Variants in PALS2 observed in about 807,000 individuals in gnomAD.
PALS2 encodes protein PALS2.
A neutral mutation model predicts 61.6 loss-of-function variants in PALS2; 27 were observed. The ratio of observed to expected loss-of-function variants is 0.44; its 90% confidence interval spans 0.32 to 0.60. The LOEUF is 0.60. PALS2 is among the 20% of genes least tolerant of loss of function. PALS2 has a pLI of 0.05. For synonymous variants in PALS2, 236 were observed against 218.6 expected (o/e 1.08, Z -0.70); for missense variants, 554 against 639.4 (o/e 0.87, Z 1.44).
chr7:24,632,710 G>A (rs1472343623), intron 2 of PALS2, among the ~76,000 whole-genome samples: 4 of 151,124 alleles, frequency 2.6e-5, no homozygotes, highest in Non-Finnish European at 5.9e-5. Flanking sequence ...AAGTGCTTTA[G>A]ATCACTGATG....
At chr7:24,686,944 G>A (rs576587901) in intron 11 of PALS2, among the ~76,000 whole-genome samples, 2 of 152,202 alleles carry the variant, frequency 1.3e-5, no homozygotes, top group South Asian at 4.2e-4. Flanking sequence ...GTGGAGGATG[G>A]GCAGCATGTA....
intron 5 of PALS2, among the ~76,000 whole-genome samples, chr7:24,659,314 G>A (rs1786595397): frequency 2.0e-5 from 3 of 152,188 alleles, no homozygotes; most frequent in Admixed American, 1.3e-4. Flanking sequence ...GAACATATGT[G>A]TACATGTGTC....
At position 24,687,695 on chromosome 7, in the gene PALS2, C is replaced by T; in HGVS notation, c.*81C>T. On this transcript the variant is annotated 3_prime_UTR_variant, in exon 12 of 12. Coordinates refer to ENST00000222644, the MANE Select transcript of PALS2 (RefSeq NM_001303037.2). This position sits in a 1 kb window ranked among gnomAD's most constrained non-coding sequence, Gnocchi z 4.5. ...TAAACCTTCTACTGAGAAAATACATCACAGATAGAAGATTATCTGCTAAGT... is the reference window on the plus strand; with the variant it reads ...TAAACCTTCTACTGAGAAAATACATTACAGATAGAAGATTATCTGCTAAGT... 1.5e-6 allele frequency: 2 copies of T among 1,346,810 alleles called. No homozygotes were observed. The highest frequency in any genetic ancestry group is 2.6e-5 in the Admixed American group (1 of 38,460). The allele number at this position is 1,346,810 out of a possible 1,614,324, so 83.4% of individuals were successfully genotyped here.
At chr7:24,638,608 G>C (rs1398041824) in intron 2 of PALS2, among the ~76,000 whole-genome samples, 1 of 44,838 alleles carries the variant, frequency 2.2e-5, no homozygotes, top group Non-Finnish European at 3.4e-5. Context: ...TGGGATTACA[G>C]GCGTGAGCCA....
chr7:24,593,135 T>C (rs1783363411), intron 1 of PALS2, among the ~76,000 whole-genome samples: 1 of 152,154 alleles, frequency 6.6e-6, no homozygotes, highest in Admixed American at 6.6e-5. Context: ...TCAGCAATAT[T>C]TACAGCATCT....
intron 5 of PALS2, among the ~76,000 whole-genome samples, chr7:24,653,554 T>G (rs1316219100): frequency 1.3e-5 from 2 of 152,092 alleles, no homozygotes; most frequent in Admixed American, 1.3e-4. Context: ...TCCACTTTCG[T>G]TTTCATTATA....
intron 2 of PALS2, among the ~76,000 whole-genome samples, chr7:24,641,007 CAAA>C (rs35912373): frequency 4.5e-5 from 3 of 67,106 alleles, no homozygotes; most frequent in African/African-American, 5.7e-5. Context: ...GACTCCATCT[CAAA>C]AAAAAAAAAA....
At position 24,649,710 on chromosome 7, in the gene PALS2, A is replaced by G; in HGVS notation, c.369A>G (p.Leu123=). ...ATTCTTCTATCAATAATCAGTTATT[A>G]CCAGTAGATGCCATTCGTATTCTTG... ...MNNSSINNQL[L]PVDAIRILGI... is the part of the protein sequence containing the mutation. Residue 123 remains leucine (L), a synonymous_variant, in exon 4 of 12, where the codon TTA becomes TTG. Transcript: ENST00000222644. 6.2e-7 allele frequency: 1 copy of G among 1,611,668 alleles called. No homozygotes were observed. Among genetic ancestry groups the G allele is most frequent in the Non-Finnish European group, 8.5e-7 (1 of 1,178,966 alleles).
At chr7:24,649,496 C>T (rs1786028096) in intron 3 of PALS2, 116 bp from the exon 4 acceptor site, 8 of 783,872 alleles carry the variant, frequency 1.0e-5, no homozygotes, top group South Asian at 4.1e-5. Context: ...AATTTAATAC[C>T]ATGTGCCTTG....
intron 1 of PALS2, among the ~76,000 whole-genome samples, chr7:24,602,858 C>T (rs529257794): frequency 6.6e-6 from 1 of 152,070 alleles, no homozygotes; most frequent in South Asian, 2.1e-4. Context: ...GTTTCCTGTT[C>T]TCTTGATAGT....
rs184686361 is a variant in PALS2, at chr7:24,636,879, G to T, written c.118-4837G>T. ...TTGTCATTTGTATTTTGACTTTGTC[G>T]ATTTTTGATGAGAAATTTAAAACGT... On this transcript the variant is annotated intron_variant, in intron 2 of 11. Transcript: ENST00000222644. Among the ~76,000 whole-genome samples the T allele has an allele frequency of 3.3e-5, 5 of 152,094 alleles. No individual in the cohort carries two copies. In the East Asian group the frequency reaches 9.6e-4, roughly 29 times the overall value.
chr7:24,606,033 C>T (rs908051574), intron 1 of PALS2, among the ~76,000 whole-genome samples: 2 of 152,048 alleles, frequency 1.3e-5, no homozygotes, highest in Non-Finnish European at 2.9e-5. Flanking sequence ...TTTAAAATCC[C>T]ATGACTTATA....
chr7:24,614,331 C>T (rs1185231358), intron 1 of PALS2, among the ~76,000 whole-genome samples: 1 of 151,512 alleles, frequency 6.6e-6, no homozygotes, highest in Non-Finnish European at 1.5e-5. Context: ...TATAGATATA[C>T]TACTGATTTT....
At chr7:24,619,533 C>T (rs545696781) in intron 1 of PALS2, among the ~76,000 whole-genome samples, 4 of 151,814 alleles carry the variant, frequency 2.6e-5, no homozygotes, top group Admixed American at 6.6e-5. Flanking sequence ...CTGGCTAACA[C>T]GGTGAAACCC....
In PALS2 at chr7:24,618,538, G is replaced by A. The variant is rs117604584; in HGVS notation, c.-2-5128G>A. On this transcript the variant is annotated intron_variant, in intron 1 of 11. Transcript: ENST00000222644. This position sits in a 1 kb window ranked among gnomAD's most constrained non-coding sequence, Gnocchi z 5.1. ...CAGATCTTGTGCTCCCAGTCTGGGG[G>A]AATACAGCTGTGTGAATTCACAGCA... 0.012 allele frequency among the ~76,000 whole-genome samples: 1,903 copies of A among 152,310 alleles called. 31 individuals carry two copies. Among genetic ancestry groups the A allele is most frequent in the South Asian group, 0.063 (306 of 4,828 alleles).
intron 1 of PALS2, among the ~76,000 whole-genome samples, chr7:24,621,177 AAT>A (rs1562619099): frequency 6.6e-6 from 1 of 152,000 alleles, no homozygotes; most frequent in East Asian, 1.9e-4. Context: ...ATGTTAATCC[AAT>A]ACTTGTTTTC....
chr7:24,585,785 G>A (rs754787929), intron 1 of PALS2, among the ~76,000 whole-genome samples: 5 of 151,980 alleles, frequency 3.3e-5, no homozygotes, highest in African/African-American at 9.7e-5. Context: ...TACAAGCTCC[G>A]CCTCCTGGGT....
At chr7:24,628,700 A>G (rs1784857477) in intron 2 of PALS2, among the ~76,000 whole-genome samples, 1 of 152,206 alleles carries the variant, frequency 6.6e-6, no homozygotes, top group Non-Finnish European at 1.5e-5. Context: ...TACAGCAATA[A>G]TAGACAAAAA....
chr7:24,624,457 G>C (rs188236989), intron 2 of PALS2, among the ~76,000 whole-genome samples: 40 of 151,842 alleles, frequency 2.6e-4, no homozygotes, highest in Non-Finnish European at 5.3e-4. Flanking sequence ...GTTCCTTTTG[G>C]TTTTTGCTCT....
Sources: allele counts gnomAD v4.1 joint callset (sites outside exome capture counted in the v4.1 genomes callset), GRCh38; gene constraint gnomAD v4.1.1; non-coding constraint Gnocchi (gnomAD v3.1); transcripts MANE v1.5; gene names NCBI Gene and HGNC (gene_info 2026-07-23, HGNC 2026-07-21).